The following PIK3CD variants were observed in gnomAD, a reference collection of about 807,000 sequenced individuals.
PIK3CD encodes phosphatidylinositol 4,5-bisphosphate 3-kinase catalytic subunit delta isoform.
In PIK3CD, 20 loss-of-function variants were observed where a neutral mutation model predicts 122.9. That is an observed-to-expected ratio of 0.16 (90% confidence interval 0.11 to 0.24). PIK3CD has a LOEUF of 0.24. Ranked by LOEUF, PIK3CD falls within the 10% of genes least tolerant of loss-of-function variation. PIK3CD has a pLI of 1.00. For synonymous variants in PIK3CD, 596 were observed against 593.4 expected (o/e 1.00, Z -0.06); for missense variants, 787 against 1,406.3 (o/e 0.56, Z 7.04).
chr1:9,716,108 G>A, intron 5 of PIK3CD, 30 bp downstream of exon 5: 1 of 1,563,178 alleles, frequency 6.4e-7, no homozygotes, highest in South Asian at 1.1e-5. Flanking sequence ...GCGGCATCCA[G>A]GCTGCTCTGT....
At chr1:9,708,020 T>C (rs1646908239) in intron 2 of PIK3CD, among the ~76,000 whole-genome samples, 1 of 151,988 alleles carries the variant, frequency 6.6e-6, no homozygotes, top group South Asian at 2.1e-4. Flanking sequence ...GGTCTCGATC[T>C]CCTGACCTCG....
the PIK3CD span, among the ~76,000 whole-genome samples, chr1:9,630,451 C>T: frequency 2.6e-5 from 4 of 152,230 alleles, no homozygotes. Context: ...CTTCATTCAG[C>T]ATTTCTACAG....
At chr1:9,667,919 T>G (rs1374044824) in intron 1 of PIK3CD, among the ~76,000 whole-genome samples, 8 of 146,050 alleles carry the variant, frequency 5.5e-5, no homozygotes, top group African/African-American at 7.6e-5. Context: ...TTTTTTTTTT[T>G]TTTTTTTTTT....
chr1:9,661,352 T>A (rs1335919970), intron 1 of PIK3CD, among the ~76,000 whole-genome samples: 3 of 151,494 alleles, frequency 2.0e-5, no homozygotes, highest in Non-Finnish European at 4.4e-5. Flanking sequence ...AGTGCTGGGA[T>A]TACAGGCCTG....
At chr1:9,672,907 A>G (rs1645377306) in intron 1 of PIK3CD, among the ~76,000 whole-genome samples, 1 of 152,118 alleles carries the variant, frequency 6.6e-6, no homozygotes, top group Admixed American at 6.6e-5. Context: ...CACCTGGAGA[A>G]GCTGCTATGG....
intron 2 of PIK3CD, among the ~76,000 whole-genome samples, chr1:9,706,408 G>A (rs566673304): frequency 8.2e-4 from 125 of 151,690 alleles, no homozygotes; most frequent in Middle Eastern, 3.4e-3. Context: ...CTGGAGGATC[G>A]CTTGAGCCCA....
chr1:9,677,643 TAA>T (rs769155771), intron 1 of PIK3CD, among the ~76,000 whole-genome samples: 39 of 90,406 alleles, frequency 4.3e-4, no homozygotes, highest in Admixed American at 6.2e-4. Flanking sequence ...AGACCCTGTC[TAA>T]AAAAAAAAAA....
At chr1:9,699,154 G>T (rs1040781366) in intron 2 of PIK3CD, among the ~76,000 whole-genome samples, 1 of 152,114 alleles carries the variant, frequency 6.6e-6, no homozygotes, top group Admixed American at 6.6e-5. Context: ...AGGCTACAGT[G>T]AGCTATGATG....
chr1:9,638,567 C>T, the PIK3CD span, among the ~76,000 whole-genome samples: 133 of 151,576 alleles, frequency 8.8e-4, 2 homozygotes, highest in Non-Finnish European at 2.7e-4. Flanking sequence ...CCCGTCTCTA[C>T]TAAAAATACA....
At chr1:9,662,847 C>G (rs947969479) in intron 1 of PIK3CD, among the ~76,000 whole-genome samples, 13 of 152,110 alleles carry the variant, frequency 8.5e-5, no homozygotes, top group African/African-American at 3.1e-4. Flanking sequence ...TGCCACCACG[C>G]CTGGCTAATT....
At chr1:9,628,893 G>A in the PIK3CD span, among the ~76,000 whole-genome samples, 1 of 152,164 alleles carries the variant, frequency 6.6e-6, no homozygotes, top group Non-Finnish European at 1.5e-5. Flanking sequence ...GATCCCCCAG[G>A]ACCCTCGGAA....
intron 2 of PIK3CD, among the ~76,000 whole-genome samples, chr1:9,701,787 C>T (rs934067206): frequency 6.6e-6 from 1 of 151,794 alleles, no homozygotes; most frequent in African/African-American, 2.4e-5. Context: ...TGTTCCTGTA[C>T]AGGCAGGGAG....
intron 1 of PIK3CD, among the ~76,000 whole-genome samples, chr1:9,675,385 CAAAAA>C (rs34447888): frequency 5.0e-5 from 3 of 59,502 alleles, no homozygotes; most frequent in African/African-American, 1.6e-4. Context: ...GACTCCGTCT[CAAAAA>C]AAAAAAAAAA....
intron 2 of PIK3CD, among the ~76,000 whole-genome samples, chr1:9,702,500 C>CCTTT (rs1646675709): frequency 3.9e-5 from 1 of 25,804 alleles, no homozygotes; most frequent in Non-Finnish European, 1.0e-4. Context: ...AAGAACTTTC[C>CCTTT]TTTTTTTTTT....
Position 9,727,124 on chromosome 1 carries a change from G to A in PIK3CD, c.*78G>A. 6.5e-7 allele frequency: 1 copy of A among 1,546,324 alleles called. No homozygotes were observed. The highest frequency in any genetic ancestry group is 8.9e-7 in the Non-Finnish European group (1 of 1,122,510). ...CAAGCACATTGGTCCTAAAGGGGCT[G>A]AAGAGCCTGAACTGCACCTAACGGG... On this transcript the variant is annotated 3_prime_UTR_variant, in exon 24 of 24. Coordinates refer to ENST00000377346, the MANE Select transcript of PIK3CD (RefSeq NM_005026.5).
chr1:9,724,121 T>G lies in PIK3CD; in HGVS notation c.2718+29T>G, dbSNP rs1360121154. 1 of 1,614,020 alleles carries G rather than the reference T, an allele frequency of 6.2e-7. No individual in the cohort carries two copies. ...CAGGGGCTGGTGCTGGCGGCTGCTG[T>G]GGGGACTTGGCTTCTGGCCCCAGCC... On this transcript the variant is annotated intron_variant, in intron 21 of 23. Transcript: ENST00000377346. This position sits in a 1 kb window ranked among gnomAD's most constrained non-coding sequence, Gnocchi z 7.3.
chr1:9,679,891 C>A (rs149197025), intron 1 of PIK3CD, among the ~76,000 whole-genome samples: 1 of 152,266 alleles, frequency 6.6e-6, no homozygotes, highest in East Asian at 1.9e-4. Context: ...GTGGCGTGAT[C>A]TCGGCTCATT....
chr1:9,644,822 C>G, the PIK3CD span, among the ~76,000 whole-genome samples: 2 of 152,004 alleles, frequency 1.3e-5, no homozygotes, highest in African/African-American at 4.8e-5. Context: ...AGCTCTGGGG[C>G]CTTCCGCTCC....
At chr1:9,628,549 C>T in the PIK3CD span, among the ~76,000 whole-genome samples, 2 of 152,228 alleles carry the variant, frequency 1.3e-5, no homozygotes, top group African/African-American at 4.8e-5. Flanking sequence ...GGAAAGGCGC[C>T]CCTGCCGTGG....
Sources: allele counts gnomAD v4.1 joint callset (sites outside exome capture counted in the v4.1 genomes callset), GRCh38; gene constraint gnomAD v4.1.1; non-coding constraint Gnocchi (gnomAD v3.1); transcripts MANE v1.5; gene names NCBI Gene and HGNC (gene_info 2026-07-23, HGNC 2026-07-21).